Variants in MOXD1 observed in about 807,000 individuals in gnomAD.
MOXD1 encodes the protein DBH-like monooxygenase protein 1.
MOXD1 carries 62 observed loss-of-function variants against 66.6 expected under a neutral mutation model. The ratio of observed to expected loss-of-function variants is 0.93; its 90% CI spans 0.76 to 1.15. The LOEUF (loss-of-function observed/expected upper bound fraction) is 1.15. MOXD1 is among the 50% of genes most tolerant of loss of function. The pLI, the probability that MOXD1 is intolerant of heterozygous loss-of-function variation, is 0.00. For missense variants in MOXD1, 847 were observed against 754.6 expected (o/e 1.12, Z -1.44); for synonymous variants, 303 against 281.9 (o/e 1.07, Z -0.75).
intron 4 of MOXD1, among the ~76,000 whole-genome samples, chr6:132,340,638 A>ATCTTTTTTTTTTTTTTTTTTTTTTTTT (rs1562287208): frequency 3.0e-5 from 3 of 98,786 alleles, no homozygotes; most frequent in African/African-American, 1.3e-4. Flanking sequence ...AACAAGACTC[A>ATCTTTTTTTTTTTTTTTTTTTTTTTTT]TTTTTTTTTT....
At chr6:132,380,427 C>G (rs1210208336) in intron 1 of MOXD1, among the ~76,000 whole-genome samples, 2 of 151,970 alleles carry the variant, frequency 1.3e-5, no homozygotes, top group African/African-American at 2.4e-5. Flanking sequence ...CTTCCCTATC[C>G]CCCTACTCTC....
chr6:132,342,669 G>C (rs1775588553), intron 4 of MOXD1, among the ~76,000 whole-genome samples: 1 of 152,144 alleles, frequency 6.6e-6, no homozygotes, highest in African/African-American at 2.4e-5. Flanking sequence ...TACATGAATT[G>C]TTTTTTAGTT....
intron 4 of MOXD1, 62 bp from the exon 5 acceptor site, chr6:132,328,656 A>G: frequency 1.4e-6 from 2 of 1,453,510 alleles, no homozygotes; most frequent in Non-Finnish European, 1.9e-6. Context: ...ACATCCCACA[A>G]CAAACGTGAA....
chr6:132,349,110 A>C (rs570477821), intron 4 of MOXD1, among the ~76,000 whole-genome samples: 10 of 151,732 alleles, frequency 6.6e-5, no homozygotes, highest in Non-Finnish European at 1.2e-4. Flanking sequence ...CCTTATTTGT[A>C]GTCTTTTTAT....
chr6:132,383,852 C>T (rs1027291571), intron 1 of MOXD1, among the ~76,000 whole-genome samples: 6 of 152,068 alleles, frequency 3.9e-5, no homozygotes, highest in African/African-American at 9.7e-5. Flanking sequence ...GGCAGATCAC[C>T]TGAGGTTAGG....
At chr6:132,360,738 C>T (rs13196312) in intron 4 of MOXD1, among the ~76,000 whole-genome samples, 30,997 of 152,074 alleles carry the variant, frequency 0.2, 3,307 homozygotes, top group South Asian at 0.28. Context: ...TGAAAAACTA[C>T]GTGTTATATT....
In MOXD1 at chr6:132,303,804, CACAT is replaced by C. The variant is rs1271490460; in HGVS notation, c.1509-5853_1509-5850del. The stretch of plus-strand genomic sequence containing the variant: ...ATACACATATATACATATATACACA[CACAT>C]GTGTGTGTGTGTGTGTGTGTGTGTG... On this transcript the variant is annotated intron_variant, in intron 10 of 11. Transcript: ENST00000367963. 6.4e-4 allele frequency among the ~76,000 whole-genome samples: 48 copies of C among 75,156 alleles called. 1 individual carries two copies. The highest frequency in any genetic ancestry group is 8.7e-4 in the Non-Finnish European group (40 of 45,924). The allele number at this position is 75,156 out of a possible 152,430, so 49.3% of individuals were successfully genotyped here.
chr6:132,383,392 A>G lies in MOXD1; in HGVS notation c.265-8615T>C, dbSNP rs374832261. Among the ~76,000 whole-genome samples the G allele has an allele frequency of 4.6e-5, 7 of 152,338 alleles. No homozygotes were observed. In the East Asian group the frequency reaches 5.8e-4, roughly 13 times the overall value. ...AAATAGAAGGCACTTACCTTTTAGA[A>G]ACCACTTCAGATAAAGCTGAAACTG... On this transcript the variant is annotated intron_variant, in intron 1 of 11. Transcript: ENST00000367963.
chr6:132,386,519 C>T (rs1166969739), intron 1 of MOXD1, among the ~76,000 whole-genome samples: 1 of 150,110 alleles, frequency 6.7e-6, no homozygotes, highest in African/African-American at 2.4e-5. Flanking sequence ...GCATATCTAT[C>T]CAGAGACCAG....
chr6:132,355,982 A>G (rs1775902447), intron 4 of MOXD1, among the ~76,000 whole-genome samples: 1 of 152,240 alleles, frequency 6.6e-6, no homozygotes, highest in African/African-American at 2.4e-5. Flanking sequence ...AAAGCCAGAC[A>G]CAGAAGAGCA....
rs1427852147 is a variant in MOXD1, at chr6:132,386,436, A to AAC, written c.265-11660_265-11659insGT. ...AACAAAACAAAACAAAACAAAACAA[A>AAC]AAAAAAAAACAAAAAAAAAACGGGA... On this transcript the variant is annotated intron_variant, in intron 1 of 11. Transcript: ENST00000367963. Among the ~76,000 whole-genome samples, 54 of 143,242 alleles carry AAC rather than the reference A, an allele frequency of 3.8e-4. 2 individuals are homozygous for AAC. Among genetic ancestry groups the AAC allele is most frequent in the African/African-American group, 1.3e-3 (47 of 36,176 alleles). The allele number at this position is 143,242 out of a possible 152,430, so 94.0% of individuals were successfully genotyped here.
intron 4 of MOXD1, among the ~76,000 whole-genome samples, chr6:132,334,787 C>T (rs906068548): frequency 6.6e-6 from 1 of 152,134 alleles, no homozygotes; most frequent in Non-Finnish European, 1.5e-5. Context: ...GCAAAGGACA[C>T]AATATGATTG....
At chr6:132,355,347 A>ATT (rs1775890940) in intron 4 of MOXD1, among the ~76,000 whole-genome samples, 1 of 152,036 alleles carries the variant, frequency 6.6e-6, no homozygotes, top group Admixed American at 6.6e-5. Flanking sequence ...CTATCCCTGT[A>ATT]TTTTGCTCAG....
intron 1 of MOXD1, among the ~76,000 whole-genome samples, chr6:132,393,835 C>T (rs1024270267): frequency 5.9e-5 from 9 of 152,208 alleles, no homozygotes; most frequent in Non-Finnish European, 1.3e-4. Context: ...TGGAAGTGAC[C>T]TTGCCACCCC....
intron 4 of MOXD1, among the ~76,000 whole-genome samples, chr6:132,337,666 T>C (rs1297107233): frequency 6.6e-6 from 1 of 152,188 alleles, no homozygotes; most frequent in Non-Finnish European, 1.5e-5. Flanking sequence ...ACTTCAAGAA[T>C]ATAAAAACAA....
At chr6:132,364,614 A>G (rs1260877365) in intron 4 of MOXD1, among the ~76,000 whole-genome samples, 1 of 152,218 alleles carries the variant, frequency 6.6e-6, no homozygotes, top group African/African-American at 2.4e-5. Flanking sequence ...TTATCTCAGT[A>G]AAGTCTTGCT....
intron 4 of MOXD1, among the ~76,000 whole-genome samples, chr6:132,348,377 G>T (rs1451366142): frequency 6.6e-6 from 1 of 152,122 alleles, no homozygotes; most frequent in African/African-American, 2.4e-5. Flanking sequence ...GTGCACTTCA[G>T]TGTTCCCACT....
At chr6:132,354,931 T>C (rs1775883467) in intron 4 of MOXD1, among the ~76,000 whole-genome samples, 1 of 151,974 alleles carries the variant, frequency 6.6e-6, no homozygotes, top group Admixed American at 6.5e-5. Context: ...GCCAGGGAAG[T>C]AGGGGAAAAC....
chr6:132,401,075 C>T lies in MOXD1; in HGVS notation c.264+88G>A, dbSNP rs1582618547. On this transcript the variant is annotated intron_variant, in intron 1 of 11. Transcript: ENST00000367963. ...GCGCCAGGTGAGAGAGAGCTGCGGG[C>T]CCCGGGGACGACCCGCACCTGCGCC... 11 of 1,355,664 alleles carry T rather than the reference C, an allele frequency of 8.1e-6. 1 individual carries two copies. In the South Asian group the frequency reaches 1.3e-4, roughly 16 times the overall value. The allele number at this position is 1,355,664 out of a possible 1,614,324, so 84.0% of individuals were successfully genotyped here.
Sources: gnomAD v4.1 joint callset for allele counts (sites outside exome capture counted in the v4.1 genomes callset) on GRCh38, gnomAD v4.1.1 for gene constraint, MANE v1.5 for transcripts, NCBI Gene and HGNC (gene_info 2026-07-23, HGNC 2026-07-21) for gene names.